The following MEGF11 variants were observed in gnomAD, a reference collection of about 807,000 sequenced individuals.
MEGF11 encodes multiple epidermal growth factor-like domains protein 11.
In MEGF11, 126 loss-of-function variants were observed where a neutral mutation model predicts 146.6. The observed-to-expected ratio is 0.86, with a 90% confidence interval of 0.74 to 1.00. MEGF11 has a LOEUF of 1.00. Ranked by LOEUF, MEGF11 falls within the 50% of genes least tolerant of loss-of-function variation. The pLI, the probability that MEGF11 is intolerant of heterozygous loss-of-function variation, is 0.00. For synonymous variants in MEGF11, 532 were observed against 583.4 expected (o/e 0.91, Z 1.27); for missense variants, 1,509 against 1,521.2 (o/e 0.99, Z 0.13).
intron 23 of MEGF11, among the ~76,000 whole-genome samples, chr15:65,907,174 C>G (rs1361021590): frequency 6.6e-6 from 1 of 152,242 alleles, no homozygotes; most frequent in Non-Finnish European, 1.5e-5. Context: ...GCTATCGCTC[C>G]TCTACGTAGA....
At chr15:66,156,180 A>G (rs2141057122) in intron 1 of MEGF11, among the ~76,000 whole-genome samples, 2 of 152,240 alleles carry the variant, frequency 1.3e-5, no homozygotes, top group African/African-American at 4.8e-5. Flanking sequence ...CTTCCTGCCC[A>G]GCACATGGGT....
intron 5 of MEGF11, among the ~76,000 whole-genome samples, chr15:66,050,993 C>T (rs555323381): frequency 4.6e-5 from 7 of 152,234 alleles, no homozygotes; most frequent in African/African-American, 7.2e-5. Context: ...AAGGGAATGA[C>T]TGAGGGCATC....
intron 1 of MEGF11, among the ~76,000 whole-genome samples, chr15:66,142,388 G>A (rs1182399567): frequency 1.3e-5 from 2 of 152,200 alleles, no homozygotes; most frequent in African/African-American, 2.4e-5. Context: ...ACAGGCGCCC[G>A]CCAGACTCTG....
At chr15:66,008,409 G>GCACACACACA (rs1227561238) in intron 5 of MEGF11, among the ~76,000 whole-genome samples, 1 of 46,536 alleles carries the variant, frequency 2.1e-5, no homozygotes, top group African/African-American at 6.0e-5. Flanking sequence ...ACACGCGCGC[G>GCACACACACA]CGCACACACA....
chr15:66,043,928 G>C (rs1324270203), intron 5 of MEGF11, among the ~76,000 whole-genome samples: 1 of 152,246 alleles, frequency 6.6e-6, no homozygotes, highest in Non-Finnish European at 1.5e-5. Flanking sequence ...CATGACATGG[G>C]AGTCATTATA....
intron 20 of MEGF11, 47 bp downstream of exon 20, chr15:65,913,690 G>A: frequency 6.7e-7 from 1 of 1,484,736 alleles, no homozygotes; most frequent in Non-Finnish European, 9.3e-7. Context: ...CCTGGGGTAT[G>A]TGTGTGTGGA....
At chr15:66,099,959 G>A (rs992691382) in intron 4 of MEGF11, among the ~76,000 whole-genome samples, 1 of 152,154 alleles carries the variant, frequency 6.6e-6, no homozygotes, top group Non-Finnish European at 1.5e-5. Flanking sequence ...ATCTACCAGG[G>A]CAGCACTGGG....
At chr15:66,007,676 C>T (rs2082561572) in intron 5 of MEGF11, among the ~76,000 whole-genome samples, 1 of 152,172 alleles carries the variant, frequency 6.6e-6, no homozygotes, top group Non-Finnish European at 1.5e-5. Flanking sequence ...TGGCTTGAGT[C>T]TGGAGGCAGA....
chr15:66,173,817 G>A (rs1049466084), intron 1 of MEGF11, among the ~76,000 whole-genome samples: 5 of 152,160 alleles, frequency 3.3e-5, no homozygotes, highest in African/African-American at 1.2e-4. Flanking sequence ...GCAGGGAAAA[G>A]GCCCTGACCA....
chr15:65,975,494 G>A (rs1013050744), intron 7 of MEGF11, among the ~76,000 whole-genome samples: 3 of 152,160 alleles, frequency 2.0e-5, no homozygotes, highest in East Asian at 1.9e-4. Context: ...CAAGCCCGCC[G>A]AATCTCTAGT....
At chr15:65,933,275 A>G (rs562855015) in intron 10 of MEGF11, among the ~76,000 whole-genome samples, 1 of 152,336 alleles carries the variant, frequency 6.6e-6, no homozygotes, top group South Asian at 2.1e-4. Flanking sequence ...GCACATAAGA[A>G]TCTGACCTCT....
At chr15:66,170,739 T>C (rs2141113320) in intron 1 of MEGF11, among the ~76,000 whole-genome samples, 1 of 152,278 alleles carries the variant, frequency 6.6e-6, no homozygotes, top group African/African-American at 2.4e-5. Flanking sequence ...CCATTTGCTG[T>C]GAGGTGGGCT....
At chr15:65,927,818 G>A (rs566532019) in intron 13 of MEGF11, among the ~76,000 whole-genome samples, 9 of 152,344 alleles carry the variant, frequency 5.9e-5, no homozygotes, top group East Asian at 1.9e-4. Flanking sequence ...GCCAGATCCC[G>A]TGGGCCCTGG....
chr15:66,030,160 GC>G (rs1290646574), intron 5 of MEGF11, among the ~76,000 whole-genome samples: 4 of 152,158 alleles, frequency 2.6e-5, no homozygotes, highest in African/African-American at 9.7e-5. Flanking sequence ...GACTTCTCGT[GC>G]ACACAGGCCA....
At chr15:65,946,079 T>G (rs1272186936) in intron 10 of MEGF11, among the ~76,000 whole-genome samples, 1 of 152,200 alleles carries the variant, frequency 6.6e-6, no homozygotes, top group East Asian at 1.9e-4. Flanking sequence ...CTTAGAACAG[T>G]GCCTGGCCCA....
Position 65,922,835 on chromosome 15 carries a change from A to G in MEGF11, c.1810T>C (p.Leu604=). The part of the protein sequence containing the change: ...CECAPGFRGP[L]CQRICPPGFY... ...GGATTAGCCTTACTTCTCTGGCATA[A>G]GGGTCCTCGGAAGCCAGGGGCACAC... The change falls in exon 14 of 26, where the codon TTA becomes CTA. Residue 604 remains leucine, a synonymous_variant. Transcript: ENST00000395614. The G allele has an allele frequency of 2.5e-6, 4 of 1,613,792 alleles. No homozygotes were observed. The highest frequency in any genetic ancestry group is 3.4e-6 in the Non-Finnish European group (4 of 1,179,796).
Position 66,135,204 on chromosome 15 carries a change from A to G in MEGF11, c.-8-6793T>C, listed in dbSNP as rs549595177. ...CCCAGCCACATCCTTCACCTCAAAG[A>G]CTCTTCTAACTCTGTACTTTTAGAA... On this transcript the variant is annotated intron_variant, in intron 1 of 25. Coordinates refer to ENST00000395614, the MANE Select transcript of MEGF11 (RefSeq NM_001385028.1). Among the ~76,000 whole-genome samples the G allele has an allele frequency of 5.9e-5, 9 of 152,174 alleles. No individual in the cohort carries two copies. The South Asian group carries it at 8.3e-4, about 14-fold the overall frequency.
chr15:65,949,663 A>G (rs1295913199), intron 10 of MEGF11, among the ~76,000 whole-genome samples: 1 of 152,244 alleles, frequency 6.6e-6, no homozygotes. Flanking sequence ...GAATGGCCAG[A>G]GGGCCCCTTA....
rs918788324 is a variant in MEGF11 at position 65,906,227 on chromosome 15, T to TC, written c.2999-87dup. ...GTGTTCTTCTTTCTTTTCTTGCTTTTCCCCCCCCTTCTCCCCTACCCAGAA... is the reference window on the plus strand; with the variant it reads ...GTGTTCTTCTTTCTTTTCTTGCTTTTCCCCCCCCCTTCTCCCCTACCCAGAA... On this transcript the variant is annotated intron_variant, in intron 23 of 25. Transcript: ENST00000395614. 460 of 942,148 alleles carry TC rather than the reference T, an allele frequency of 4.9e-4. 2 individuals are homozygous for TC. The highest frequency in any genetic ancestry group is 3.9e-3 in the South Asian group (255 of 65,490). 58.4% of individuals were successfully genotyped at this position (942,148 alleles called of 1,614,324 possible).
Sources: gnomAD v4.1 joint callset for allele counts (sites outside exome capture counted in the v4.1 genomes callset) on GRCh38, gnomAD v4.1.1 for gene constraint, MANE v1.5 for transcripts, NCBI Gene and HGNC (gene_info 2026-07-23, HGNC 2026-07-21) for gene names.